The following RASAL2 variants were observed in gnomAD, a reference collection of about 807,000 sequenced individuals.
The protein encoded by RASAL2 is ras GTPase-activating protein nGAP.
A neutral mutation model predicts 128.9 loss-of-function variants in RASAL2; 58 were observed. That is an observed-to-expected ratio of 0.45 (90% CI 0.36 to 0.56). The LOEUF is 0.56. RASAL2 is among the 20% of genes least tolerant of loss of function. The probability of loss-of-function intolerance (pLI) is 0.00; values close to 1 mark genes in which losing one functional copy is unlikely to be tolerated. For synonymous variants in RASAL2, 561 were observed against 580.8 expected (o/e 0.97, Z 0.49); for missense variants, 1,360 against 1,601.6 (o/e 0.85, Z 2.57).
At chr1:178,309,259 G>A (rs971001654) in intron 3 of RASAL2, among the ~76,000 whole-genome samples, 2 of 152,050 alleles carry the variant, frequency 1.3e-5, no homozygotes, top group African/African-American at 4.8e-5. Context: ...TCCTTAAAAT[G>A]TCATGTCTTA....
intron 1 of RASAL2, among the ~76,000 whole-genome samples, chr1:178,117,962 C>T (rs898261476): frequency 4.6e-5 from 7 of 152,000 alleles, no homozygotes; most frequent in East Asian, 1.9e-4. Context: ...GTCACGAGTT[C>T]GAGACCAGCC....
chr1:178,297,797 T>A (rs1024658881), intron 2 of RASAL2, among the ~76,000 whole-genome samples: 9 of 152,080 alleles, frequency 5.9e-5, no homozygotes, highest in Non-Finnish European at 1.0e-4. Context: ...GAGAAAATAA[T>A]TGAGTGAATT....
intron 9 of RASAL2, 44 bp downstream of exon 9, chr1:178,445,706 G>A: frequency 6.4e-7 from 1 of 1,554,312 alleles, no homozygotes; most frequent in East Asian, 2.3e-5. Flanking sequence ...TTACTTTTCA[G>A]TTTTAAGCTA....
intron 2 of RASAL2, among the ~76,000 whole-genome samples, chr1:178,289,819 T>C (rs1282167997): frequency 1.3e-5 from 2 of 152,228 alleles, no homozygotes; most frequent in African/African-American, 4.8e-5. Flanking sequence ...TTTCCAGACA[T>C]ACTGTCTTCA....
chr1:178,441,437 C>A, intron 6 of RASAL2, 112 bp from the exon 7 acceptor site: 2 of 687,396 alleles, frequency 2.9e-6, no homozygotes, highest in Non-Finnish European at 2.5e-6. Context: ...CATCCTAATT[C>A]CAGGACATTT....
intron 1 of RASAL2, among the ~76,000 whole-genome samples, chr1:178,148,760 A>C (rs2101874108): frequency 6.6e-6 from 1 of 152,240 alleles, no homozygotes; most frequent in African/African-American, 2.4e-5. Context: ...CCATTAACTG[A>C]ATTAGATTTA....
At chr1:178,317,251 C>G (rs1054325070) in intron 3 of RASAL2, among the ~76,000 whole-genome samples, 1 of 138,428 alleles carries the variant, frequency 7.2e-6, no homozygotes, top group Non-Finnish European at 1.5e-5. Context: ...GTCTAAAATT[C>G]TCTTTTTTGG....
At chr1:178,270,760 C>T (rs545032184) in intron 1 of RASAL2, among the ~76,000 whole-genome samples, 1 of 152,104 alleles carries the variant, frequency 6.6e-6, no homozygotes, top group South Asian at 2.1e-4. Context: ...GAAGATGGAC[C>T]TTGCCCATTT....
chr1:178,112,111 T>G (rs182175840), intron 1 of RASAL2, among the ~76,000 whole-genome samples: 1 of 152,218 alleles, frequency 6.6e-6, no homozygotes, highest in African/African-American at 2.4e-5. Flanking sequence ...TTGTCAGATA[T>G]GTGATCTGTA....
chr1:178,426,017 C>T (rs994520825), intron 5 of RASAL2, among the ~76,000 whole-genome samples: 4 of 152,128 alleles, frequency 2.6e-5, no homozygotes, highest in African/African-American at 9.7e-5. Flanking sequence ...AAGTCAGCAG[C>T]CAGACTTACC....
intron 3 of RASAL2, among the ~76,000 whole-genome samples, chr1:178,363,913 G>A (rs558239121): frequency 7.2e-5 from 11 of 152,138 alleles, no homozygotes; most frequent in African/African-American, 1.9e-4. Context: ...TGGCTAACAC[G>A]GTGAAACCCC....
intron 1 of RASAL2, among the ~76,000 whole-genome samples, chr1:178,110,635 T>TAC (rs1659277671): frequency 5.0e-5 from 2 of 40,142 alleles, no homozygotes; most frequent in Admixed American, 4.7e-4. Context: ...ATATAGTGTA[T>TAC]ACATATATAT....
In RASAL2 at chr1:178,103,511, A is replaced by G. The variant is rs558103507; in HGVS notation, c.202+8817A>G. ...TATGAGAGTGCCTGTCTCCCCACAC[A>G]TAATGAATTATCACGAAATTTTGGA... is the stretch of plus-strand genomic sequence containing the variant. On this transcript the variant is annotated intron_variant, in intron 1 of 17. Transcript: ENST00000367649. Among the ~76,000 whole-genome samples, 5 of 152,170 alleles carry G rather than the reference A, an allele frequency of 3.3e-5. No homozygotes were observed. The South Asian group carries it at 6.2e-4, about 19-fold the overall frequency.
At chr1:178,449,396 T>C (rs1572095694) in intron 9 of RASAL2, among the ~76,000 whole-genome samples, 2 of 152,144 alleles carry the variant, frequency 1.3e-5, no homozygotes, top group African/African-American at 4.8e-5. Context: ...TGGAGGCAGG[T>C]TTCTTTCGGC....
At chr1:178,155,832 A>G (rs1017969777) in intron 1 of RASAL2, among the ~76,000 whole-genome samples, 12 of 152,152 alleles carry the variant, frequency 7.9e-5, no homozygotes, top group African/African-American at 2.9e-4. Flanking sequence ...GTTAGGCTCT[A>G]TTACATCTAT....
intron 1 of RASAL2, among the ~76,000 whole-genome samples, chr1:178,202,894 G>A (rs900358294): frequency 6.6e-6 from 1 of 152,216 alleles, no homozygotes; most frequent in African/African-American, 2.4e-5. Context: ...AGGGGTGGAG[G>A]TTATGCATGG....
chr1:178,445,515 C>T lies in RASAL2; in HGVS notation c.1483-3C>T, dbSNP rs779894208. On this transcript the variant is annotated splice_region_variant and splice_polypyrimidine_tract_variant and intron_variant, in intron 8 of 17. Coordinates refer to ENST00000367649, the MANE Select transcript of RASAL2 (RefSeq NM_170692.4). ...TCTGCCTGATTGAACATTATTCTACCAGGATTTTCTGACTGACTTGGTGAT... is the reference window on the plus strand; with the variant it reads ...TCTGCCTGATTGAACATTATTCTACTAGGATTTTCTGACTGACTTGGTGAT... The T allele has an allele frequency of 1.2e-6, 2 of 1,611,714 alleles. No individual in the cohort carries two copies. Among genetic ancestry groups the T allele is most frequent in the South Asian group, 2.2e-5 (2 of 90,654 alleles).
At chr1:178,217,654 A>C (rs1663467577) in intron 1 of RASAL2, among the ~76,000 whole-genome samples, 1 of 152,188 alleles carries the variant, frequency 6.6e-6, no homozygotes. Context: ...CACATACCTG[A>C]ATTTAAAATT....
At chr1:178,193,581 C>T (rs1160896975) in intron 1 of RASAL2, among the ~76,000 whole-genome samples, 1 of 151,860 alleles carries the variant, frequency 6.6e-6, no homozygotes, top group Admixed American at 6.6e-5. Context: ...TCTTTCCCTT[C>T]CTTTTCTTTC....
Sources: gnomAD v4.1 joint callset for allele counts (sites outside exome capture counted in the v4.1 genomes callset) on GRCh38, gnomAD v4.1.1 for gene constraint, MANE v1.5 for transcripts, NCBI Gene and HGNC (gene_info 2026-07-23, HGNC 2026-07-21) for gene names.